The following CNBD1 variants were observed in gnomAD, a reference collection of about 807,000 sequenced individuals.
CNBD1 encodes cyclic nucleotide-binding domain-containing protein 1.
CNBD1 carries 71 observed loss-of-function variants against 54.4 expected under a neutral mutation model. The observed-to-expected ratio is 1.30, with a 90% CI of 1.08 to 1.59. The LOEUF is 1.59. CNBD1 is among the 40% of genes most tolerant of loss of function. The pLI, the probability that CNBD1 is intolerant of heterozygous loss-of-function variation, is 0.00. For synonymous variants in CNBD1, 182 were observed against 170.7 expected, an observed-to-expected ratio of 1.07 and a Z score of -0.51; for missense variants, 659 against 518.0, an observed-to-expected ratio of 1.27 and a Z score of -2.64.
intron 4 of CNBD1, among the ~76,000 whole-genome samples, chr8:87,198,582 G>GT (rs1813771969): frequency 6.6e-6 from 1 of 152,154 alleles, no homozygotes; most frequent in African/African-American, 2.4e-5. Context: ...TTAGAAACAA[G>GT]TAAGTAAAGG....
At chr8:87,416,548 G>T (rs1261218409) in intron 2 of CNBD1, among the ~76,000 whole-genome samples, 1 of 152,000 alleles carries the variant, frequency 6.6e-6, no homozygotes, top group South Asian at 2.1e-4. Flanking sequence ...GACCAGAACA[G>T]GGTTGGAGAC....
At chr8:87,362,869 T>A (rs1389734924) in intron 10 of CNBD1, among the ~76,000 whole-genome samples, 1 of 152,182 alleles carries the variant, frequency 6.6e-6, no homozygotes, top group East Asian at 1.9e-4. Context: ...AAATTGCATA[T>A]TCTAACTTTT....
intron 4 of CNBD1, among the ~76,000 whole-genome samples, chr8:87,050,163 C>G (rs576595369): frequency 9.9e-5 from 15 of 152,270 alleles, no homozygotes; most frequent in African/African-American, 3.6e-4. Flanking sequence ...AGCAATTTCA[C>G]CATACCTGGG....
intron 2 of CNBD1, among the ~76,000 whole-genome samples, chr8:87,390,704 C>T (rs1035279042): frequency 6.6e-6 from 1 of 152,040 alleles, no homozygotes; most frequent in Non-Finnish European, 1.5e-5. Flanking sequence ...GGATCTAGAA[C>T]TAGAAATACC....
chr8:87,112,085 G>T (rs368562022), intron 4 of CNBD1, among the ~76,000 whole-genome samples: 1 of 152,232 alleles, frequency 6.6e-6, no homozygotes, highest in East Asian at 1.9e-4. Flanking sequence ...CAGGTGGAGG[G>T]TCTTTCAGTC....
intron 8 of CNBD1, among the ~76,000 whole-genome samples, chr8:87,351,203 T>C (rs1810283906): frequency 6.6e-6 from 1 of 152,240 alleles, no homozygotes; most frequent in South Asian, 2.1e-4. Flanking sequence ...CAATGTGGCC[T>C]CAAAGCCCTT....
At chr8:87,284,559 G>T in intron 6 of CNBD1, 119 bp from the exon 7 acceptor site, 3 of 799,286 alleles carry the variant, frequency 3.8e-6, no homozygotes, top group Non-Finnish European at 5.7e-6. Context: ...TCCATGCAGA[G>T]ACAGTTTAGA....
At chr8:87,227,021 T>G (rs1208124431) in intron 5 of CNBD1, among the ~76,000 whole-genome samples, 1 of 150,930 alleles carries the variant, frequency 6.6e-6, no homozygotes, top group Non-Finnish European at 1.5e-5. Flanking sequence ...TTTTGATCTT[T>G]GTTGGTTTGA....
At chr8:87,201,031 A>T (rs1259515979) in intron 4 of CNBD1, among the ~76,000 whole-genome samples, 1 of 152,176 alleles carries the variant, frequency 6.6e-6, no homozygotes, top group Non-Finnish European at 1.5e-5. Flanking sequence ...CCAGAAACAT[A>T]TAAAAAACAT....
chr8:87,341,553 T>A (rs1336222758), intron 8 of CNBD1, among the ~76,000 whole-genome samples: 1 of 152,204 alleles, frequency 6.6e-6, no homozygotes, highest in African/African-American at 2.4e-5. Context: ...TGTTAAAATG[T>A]TATTGCTGTT....
At position 87,225,635 on chromosome 8, in the gene CNBD1, G is replaced by A. The variant is rs550402555; in HGVS notation, c.578-11284G>A. On this transcript the variant is annotated intron_variant, in intron 5 of 10. Coordinates refer to ENST00000518476, the MANE Select transcript of CNBD1 (RefSeq NM_173538.3). ...AGCTTTTTGAGGTGCTGCTGGATTCGGTTTGCCAGTATGTTATTGAGGATT... is the reference window on the plus strand; with the variant it reads ...AGCTTTTTGAGGTGCTGCTGGATTCAGTTTGCCAGTATGTTATTGAGGATT... 6.0e-4 allele frequency among the ~76,000 whole-genome samples: 91 copies of A among 152,166 alleles called. 1 individual carries two copies. Among genetic ancestry groups the A allele is most frequent in the African/African-American group, 1.8e-3 (73 of 41,512 alleles).
chr8:86,986,449 T>A (rs1310391044), intron 4 of CNBD1, among the ~76,000 whole-genome samples: 1 of 152,190 alleles, frequency 6.6e-6, no homozygotes, highest in Non-Finnish European at 1.5e-5. Context: ...AATATTTTTT[T>A]CCCATTCTGT....
At chr8:87,352,796 A>G (rs1157498832) in intron 9 of CNBD1, among the ~76,000 whole-genome samples, 5 of 152,314 alleles carry the variant, frequency 3.3e-5, no homozygotes, top group African/African-American at 4.8e-5. Flanking sequence ...ATGGAATTCA[A>G]TTAAATATCT....
At chr8:87,335,480 A>G (rs943961727) in intron 8 of CNBD1, among the ~76,000 whole-genome samples, 2 of 151,624 alleles carry the variant, frequency 1.3e-5, no homozygotes, top group Admixed American at 1.3e-4. Context: ...GTATTTTTTG[A>G]TCTTTGTTGA....
At chr8:86,928,193 T>C (rs1291434686) in intron 3 of CNBD1, among the ~76,000 whole-genome samples, 3 of 152,162 alleles carry the variant, frequency 2.0e-5, no homozygotes, top group Non-Finnish European at 4.4e-5. Context: ...AAAGAAGTTA[T>C]ATCCTTGACC....
Position 87,299,314 on chromosome 8 carries a change from C to T in CNBD1, c.1042+12643C>T, listed in dbSNP as rs371331493. On this transcript the variant is annotated intron_variant, in intron 8 of 10. Coordinates refer to ENST00000518476, the MANE Select transcript of CNBD1 (RefSeq NM_173538.3). ...TCTCCTGGCCATGCTTCTCTAGTCC[C>T]GACGGTCTTGTTTAGATCACAATGC... 7.9e-5 allele frequency among the ~76,000 whole-genome samples: 12 copies of T among 152,190 alleles called. No individual in the cohort carries two copies. The East Asian group carries it at 9.7e-4, about 12-fold the overall frequency.
At chr8:87,261,560 A>G (rs1808141440) in intron 6 of CNBD1, among the ~76,000 whole-genome samples, 1 of 151,500 alleles carries the variant, frequency 6.6e-6, no homozygotes, top group Non-Finnish European at 1.5e-5. Flanking sequence ...GAAATGACAT[A>G]CATAAATCGG....
intron 5 of CNBD1, among the ~76,000 whole-genome samples, chr8:87,214,918 T>C (rs1234851406): frequency 6.6e-6 from 1 of 152,130 alleles, no homozygotes; most frequent in Non-Finnish European, 1.5e-5. Flanking sequence ...GGAGCTACAA[T>C]TCAAGATGAG....
At chr8:87,176,718 A>G (rs746241937) in intron 4 of CNBD1, among the ~76,000 whole-genome samples, 4 of 151,000 alleles carry the variant, frequency 2.6e-5, no homozygotes, top group African/African-American at 9.7e-5. Flanking sequence ...CAAACTCCCA[A>G]CCACAGGTGA....
Sources: gnomAD v4.1 joint callset for allele counts (sites outside exome capture counted in the v4.1 genomes callset) on GRCh38, gnomAD v4.1.1 for gene constraint, MANE v1.5 for transcripts, NCBI Gene and HGNC (gene_info 2026-07-23, HGNC 2026-07-21) for gene names.